Variants in LACC1 observed in about 807,000 individuals in gnomAD.
The protein encoded by LACC1 is laccase domain multifunctional purine nucleosidase 1, also known as purine nucleoside phosphorylase LACC1.
LACC1 carries 25 observed loss-of-function variants against 34.8 expected under a neutral mutation model. That is an observed-to-expected ratio of 0.72 (90% confidence interval 0.52 to 1.00). The LOEUF (loss-of-function observed/expected upper bound fraction) is 1.00. Ranked by LOEUF, LACC1 falls within the 50% of genes least tolerant of loss-of-function variation. The probability of loss-of-function intolerance (pLI) is 0.00; values close to 1 mark genes in which losing one functional copy is unlikely to be tolerated. For missense variants in LACC1, 426 were observed against 511.2 expected, an observed-to-expected ratio of 0.83 and a Z score of 1.61; for synonymous variants, 162 against 168.0, an observed-to-expected ratio of 0.96 and a Z score of 0.28.
Position 43,881,554 on chromosome 13 carries a change from T to G in LACC1, c.562+7T>G. On this transcript the variant is annotated splice_region_variant and intron_variant, in intron 2 of 6. Coordinates refer to ENST00000325686, the MANE Select transcript of LACC1 (RefSeq NM_153218.4). ...ACTTCTTCTTTGATCCCAGGTATAT[T>G]AACCACTAACTGTTGTTTTTACTTT... The G allele has an allele frequency of 6.4e-7, 1 of 1,566,312 alleles. No homozygotes were observed. The highest frequency in any genetic ancestry group is 8.7e-7 in the Non-Finnish European group (1 of 1,155,570).
chr13:43,882,945 A>C (rs1396196579), intron 3 of LACC1, among the ~76,000 whole-genome samples: 1 of 152,036 alleles, frequency 6.6e-6, no homozygotes, highest in Non-Finnish European at 1.5e-5. Context: ...ACACCATTCC[A>C]TTGCAGGGTG....
chr13:43,887,084 C>T (rs1342639347), intron 4 of LACC1, among the ~76,000 whole-genome samples: 1 of 152,034 alleles, frequency 6.6e-6, no homozygotes, highest in East Asian at 1.9e-4. Flanking sequence ...TTCCTAGGTG[C>T]CTGAAAATCA....
At position 43,893,778 on chromosome 13, in the gene LACC1, A is replaced by G; in HGVS notation, c.*2331A>G. 6.6e-6 allele frequency: 1 copy of G among 152,154 alleles called. No homozygotes were observed. The highest frequency in any genetic ancestry group is 1.9e-4 in the East Asian group (1 of 5,344). 9.4% of individuals were successfully genotyped at this position (152,154 alleles called of 1,614,324 possible). On this transcript the variant is annotated 3_prime_UTR_variant, in exon 7 of 7. Coordinates refer to ENST00000325686, the MANE Select transcript of LACC1 (RefSeq NM_153218.4). ...TAATGAAAATGATGAAGATTAAGGA[A>G]TACTTCCATGTATTGAGTAAGGTTG...
At position 43,892,378 on chromosome 13, in the gene LACC1, T is replaced by C. The variant is rs542657155; in HGVS notation, c.*931T>C. 6.6e-6 allele frequency: 1 copy of C among 151,596 alleles called. No individual in the cohort carries two copies. Among genetic ancestry groups the C allele is most frequent in the Non-Finnish European group, 1.5e-5 (1 of 67,870 alleles). The allele number at this position is 151,596 out of a possible 1,614,324, so 9.4% of individuals were successfully genotyped here. On this transcript the variant is annotated 3_prime_UTR_variant, in exon 7 of 7. Coordinates refer to ENST00000325686, the MANE Select transcript of LACC1 (RefSeq NM_153218.4). ...AGAGAGTAGATGGATTAGAGAGACATTTAAGAGATGGAATCAATAGATCCT... is the reference window on the plus strand; with the variant it reads ...AGAGAGTAGATGGATTAGAGAGACACTTAAGAGATGGAATCAATAGATCCT...
chr13:43,881,583 C>A, intron 2 of LACC1, 36 bp downstream of exon 2: 1 of 1,438,640 alleles, frequency 7.0e-7, no homozygotes, highest in Non-Finnish European at 9.4e-7. Context: ...TTACTTTGTA[C>A]ATGGAAAACT....
In LACC1 at chr13:43,891,975, G is replaced by A. The variant is rs1458236255; in HGVS notation, c.*528G>A. ...TCACATGGGCTCGAAAGATGTAGAG[G>A]TTTTTGACAAATGAAGAACAACCAT... On this transcript the variant is annotated 3_prime_UTR_variant, in exon 7 of 7. Coordinates refer to ENST00000325686, the MANE Select transcript of LACC1 (RefSeq NM_153218.4). 1.3e-5 allele frequency: 2 copies of A among 152,112 alleles called. No individual in the cohort carries two copies. The highest frequency in any genetic ancestry group is 2.1e-4 in the South Asian group (1 of 4,834). 9.4% of individuals were successfully genotyped at this position (152,112 alleles called of 1,614,324 possible).
Position 43,881,529 on chromosome 13 carries a change from A to G in LACC1, c.544A>G (p.Thr182Ala). The G allele has an allele frequency of 1.9e-6, 3 of 1,602,026 alleles. No homozygotes were observed. The highest frequency in any genetic ancestry group is 1.1e-5 in the South Asian group (1 of 89,944). ...ACTGAGAGGAAAATTAACTATTATC[A>G]CTTCTTCTTTGATCCCAGGTATATT... is the stretch of plus-strand genomic sequence containing the variant. ...PALRGKLTIITSSLIPDIFIH... is the reference protein window; with the variant it reads ...PALRGKLTIIASSLIPDIFIH... Residue 182 changes from threonine to alanine, a missense_variant, in exon 2 of 7, where the codon ACT (threonine) becomes GCT (alanine). By Grantham distance (58) the Thr-to-Ala change is moderately conservative (BLOSUM62 0). This residue lies in a region of LACC1 where 217 missense variants were observed against 210.9 expected (regional missense o/e 1.03). Coordinates refer to ENST00000325686, the MANE Select transcript of LACC1 (RefSeq NM_153218.4).
intron 5 of LACC1, 26 bp downstream of exon 5, chr13:43,889,008 A>C: frequency 6.5e-7 from 1 of 1,529,208 alleles, no homozygotes; most frequent in South Asian, 1.1e-5. Flanking sequence ...TTCAACTGCA[A>C]GTTTGATTAT....
chr13:43,890,358 CT>C (rs1672741625), intron 6 of LACC1, 84 bp downstream of exon 6: 48 of 1,150,202 alleles, frequency 4.2e-5, no homozygotes, highest in Non-Finnish European at 5.8e-5. Flanking sequence ...CTTTCTTCCT[CT>C]TTTAGCCTAT....
At chr13:43,879,794 G>GAGGT (rs1257216768), upstream of LACC1, 3 of 120,572 alleles carry the variant, frequency 2.5e-5, no homozygotes, top group Non-Finnish European at 1.9e-5. Flanking sequence ...GGGGCGAGGC[G>GAGGT]GGGCGAGGCG....
At position 43,882,354 on chromosome 13, in the gene LACC1, C is replaced by T; in HGVS notation, c.732C>T (p.Tyr244=). 6.2e-7 allele frequency: 1 copy of T among 1,606,092 alleles called. No individual in the cohort carries two copies. The highest frequency in any genetic ancestry group is 8.5e-7 in the Non-Finnish European group (1 of 1,177,652). Residue 244 remains tyrosine (Y), a synonymous_variant, in exon 3 of 7, where the codon TAC becomes TAT. Coordinates refer to ENST00000325686, the MANE Select transcript of LACC1 (RefSeq NM_153218.4). ...CAGGATTTAATGTGGAGAAATTTTA[C>T]CGAATAAAGGTAAAATTTTGCTTTA... ...NAAGFNVEKF[Y]RIKTHHSNDI... is the part of the protein sequence containing the mutation.
At chr13:43,887,250 C>T (rs1009558685) in intron 4 of LACC1, among the ~76,000 whole-genome samples, 3 of 152,140 alleles carry the variant, frequency 2.0e-5, no homozygotes, top group African/African-American at 4.8e-5. Flanking sequence ...CCTGTAGAGG[C>T]TGAACCTGTC....
chr13:43,882,564 G>GATATAT (rs56292789), intron 3 of LACC1, among the ~76,000 whole-genome samples: 11,319 of 138,942 alleles, frequency 0.081, 499 homozygotes, highest in African/African-American at 0.093. Context: ...CACACGTGCA[G>GATATAT]ATATATATAT....
Position 43,880,469 on chromosome 13 carries a change from A to C in LACC1, c.-35+350A>C, listed in dbSNP as rs530748230. ...GTGTGGAGTACTGCGCAAATCCTGA[A>C]GGGAACTCTATTAGCCATCTCAGCT... On this transcript the variant is annotated intron_variant, in intron 1 of 6. Transcript: ENST00000325686. Among the ~76,000 whole-genome samples the C allele has an allele frequency of 3.7e-3, 568 of 152,330 alleles. 3 individuals are homozygous for C. The highest frequency in any genetic ancestry group is 0.013 in the African/African-American group (547 of 41,578).
chr13:43,889,058 TTAA>T, intron 5 of LACC1, 76 bp downstream of exon 5: 3 of 1,209,852 alleles, frequency 2.5e-6, no homozygotes, highest in Non-Finnish European at 2.4e-6. Context: ...TGGAGAACAA[TTAA>T]TAACTCTAAG....
rs1385347844 is a variant in LACC1 at position 43,893,581 on chromosome 13, T to TTGATATATGTTGTGAGGTTG, written c.*2140_*2159dup. On this transcript the variant is annotated 3_prime_UTR_variant, in exon 7 of 7. Transcript: ENST00000325686. ...TCAGTAAACCAACAATCTCAATACT[T>TTGATATATGTTGTGAGGTTG]TGATATATGTTGTGAGGTTGTGATA... 6.6e-6 allele frequency: 1 copy of TTGATATATGTTGTGAGGTTG among 151,926 alleles called. No individual in the cohort carries two copies. The highest frequency in any genetic ancestry group is 2.4e-5 in the African/African-American group (1 of 41,400). The allele number at this position is 151,926 out of a possible 1,614,324, so 9.4% of individuals were successfully genotyped here.
intron 2 of LACC1, 80 bp downstream of exon 2, chr13:43,881,627 TC>T: frequency 9.2e-7 from 1 of 1,081,146 alleles, no homozygotes; most frequent in Non-Finnish European, 1.3e-6. Context: ...CCTCTTTTTT[TC>T]CTCCTTTCTT....
chr13:43,888,022 C>T (rs548527538), intron 4 of LACC1, among the ~76,000 whole-genome samples: 13 of 152,198 alleles, frequency 8.5e-5, no homozygotes, highest in African/African-American at 3.1e-4. Flanking sequence ...CGATTATTCG[C>T]AATAGCCAAA....
At chr13:43,887,622 G>T (rs553248050) in intron 4 of LACC1, among the ~76,000 whole-genome samples, 2 of 152,086 alleles carry the variant, frequency 1.3e-5, no homozygotes, top group African/African-American at 4.8e-5. Flanking sequence ...ATATATTTTT[G>T]TAAAAAGGGA....
Sources: allele counts gnomAD v4.1 joint callset (sites outside exome capture counted in the v4.1 genomes callset), GRCh38; gene constraint gnomAD v4.1.1; regional missense constraint gnomAD v4.1.1; transcripts MANE v1.5; gene names NCBI Gene and HGNC (gene_info 2026-07-23, HGNC 2026-07-21).